Variants in CTNNA2 observed in about 807,000 individuals in gnomAD.
The protein encoded by CTNNA2 is catenin alpha-2.
A neutral mutation model predicts 101.0 loss-of-function variants in CTNNA2; 42 were observed. The ratio of observed to expected loss-of-function variants is 0.42; its 90% CI spans 0.32 to 0.54. The LOEUF (loss-of-function observed/expected upper bound fraction) is 0.54, where lower values mean the gene tolerates loss of function less well. Ranked by LOEUF, CTNNA2 falls within the 20% of genes least tolerant of loss-of-function variation. The pLI is 0.14. For missense variants in CTNNA2, 871 were observed against 1,223.1 expected (o/e 0.71, Z 4.29); for synonymous variants, 450 against 456.4 (o/e 0.99, Z 0.18).
At chr2:79,671,663 C>G (rs138234191) in intron 2 of CTNNA2, among the ~76,000 whole-genome samples, 1 of 152,122 alleles carries the variant, frequency 6.6e-6, no homozygotes, top group African/African-American at 2.4e-5. Flanking sequence ...TCTTACTGCT[C>G]GGCAAATAGT....
At chr2:80,167,738 G>A (rs1704794941) in intron 7 of CTNNA2, among the ~76,000 whole-genome samples, 1 of 152,166 alleles carries the variant, frequency 6.6e-6, no homozygotes, top group Non-Finnish European at 1.5e-5. Flanking sequence ...TGGTTATCAG[G>A]AATTAGTTGT....
Position 79,744,424 on chromosome 2 carries a change from C to A in CTNNA2, c.140C>A (p.Ser47Tyr), listed in dbSNP as rs1486984809. ...GTCAACACAAGCAACAAAGGCCCAT[C>A]TGGTAAAAAGAAAGGGAGGTCAAAG... ...TLVNTSNKGP[S>Y]GKKKGRSKKA... The change falls in exon 3 of 19, where the codon TCT (serine) becomes TAT (tyrosine). Residue 47 changes from serine (S) to tyrosine (Y), a missense_variant. Transcript: ENST00000402739. 1 of 1,613,682 alleles carries A rather than the reference C, an allele frequency of 6.2e-7. No individual in the cohort carries two copies. Among genetic ancestry groups the A allele is most frequent in the Non-Finnish European group, 8.5e-7 (1 of 1,179,922 alleles).
chr2:79,894,333 C>G (rs570340237), intron 6 of CTNNA2, among the ~76,000 whole-genome samples: 2 of 151,902 alleles, frequency 1.3e-5, no homozygotes, highest in South Asian at 4.2e-4. Flanking sequence ...CCCTGCCCCC[C>G]GCCCCACCAA....
chr2:79,266,842 C>G (rs1430885438), intron 2 of CTNNA2, among the ~76,000 whole-genome samples: 2 of 151,930 alleles, frequency 1.3e-5, no homozygotes, highest in Admixed American at 6.6e-5. Flanking sequence ...TTAGGGCAGG[C>G]AACTCATGTA....
intron 8 of CTNNA2, among the ~76,000 whole-genome samples, chr2:80,397,366 T>C (rs540513306): frequency 6.6e-6 from 1 of 152,270 alleles, no homozygotes; most frequent in African/African-American, 2.4e-5. Context: ...ATTTTACAGA[T>C]GAGGATGTGA....
intron 17 of CTNNA2, 114 bp downstream of exon 17, chr2:80,608,432 G>A: frequency 1.8e-6 from 2 of 1,114,842 alleles, no homozygotes; most frequent in Non-Finnish European, 2.5e-6. Flanking sequence ...TATAGGGAGG[G>A]CTTTTTTTAA....
At chr2:79,350,099 A>AAAAAAAAT (rs1677353802) in intron 3 of CTNNA2, among the ~76,000 whole-genome samples, 1 of 139,264 alleles carries the variant, frequency 7.2e-6, no homozygotes, top group African/African-American at 2.7e-5. Context: ...AAAAAAAAAA[A>AAAAAAAAT]TGAGGTCAAG....
chr2:80,355,941 T>C (rs970705640), intron 7 of CTNNA2, among the ~76,000 whole-genome samples: 13 of 152,134 alleles, frequency 8.5e-5, no homozygotes, highest in Non-Finnish European at 1.5e-5. Flanking sequence ...TTCTTTTTTT[T>C]CTCCCAAAAA....
intron 3 of CTNNA2, among the ~76,000 whole-genome samples, chr2:79,784,987 A>G (rs1674728162): frequency 6.6e-6 from 1 of 152,128 alleles, no homozygotes; most frequent in African/African-American, 2.4e-5. Context: ...CTATATATTG[A>G]TGATATGTGT....
intron 7 of CTNNA2, among the ~76,000 whole-genome samples, chr2:80,340,404 G>C (rs990129054): frequency 1.3e-5 from 2 of 152,180 alleles, no homozygotes; most frequent in Non-Finnish European, 2.9e-5. Flanking sequence ...CTTTGGCAAA[G>C]TTTTGATTGC....
At chr2:80,008,676 T>C (rs996498731) in intron 7 of CTNNA2, among the ~76,000 whole-genome samples, 1 of 152,204 alleles carries the variant, frequency 6.6e-6, no homozygotes, top group Non-Finnish European at 1.5e-5. Context: ...GCCCTGCCGC[T>C]GTCTGTGTGT....
At chr2:80,156,312 A>G (rs886869975) in intron 7 of CTNNA2, among the ~76,000 whole-genome samples, 2 of 152,194 alleles carry the variant, frequency 1.3e-5, no homozygotes, top group African/African-American at 2.4e-5. Flanking sequence ...CGTTAGAAAT[A>G]TGATCGTTTT....
intron 5 of CTNNA2, among the ~76,000 whole-genome samples, chr2:79,507,922 A>T (rs1008808629): frequency 5.3e-5 from 8 of 152,234 alleles, no homozygotes; most frequent in African/African-American, 1.9e-4. Context: ...GCACACGCCA[A>T]TACAATTTAT....
intron 7 of CTNNA2, among the ~76,000 whole-genome samples, chr2:79,988,412 G>T (rs1408907830): frequency 1.3e-5 from 2 of 151,900 alleles, no homozygotes; most frequent in Non-Finnish European, 2.9e-5. Context: ...TCAGAAAAAA[G>T]AAATGGTAGA....
intron 7 of CTNNA2, among the ~76,000 whole-genome samples, chr2:80,340,310 A>C (rs1672114382): frequency 6.6e-6 from 1 of 152,220 alleles, no homozygotes; most frequent in Non-Finnish European, 1.5e-5. Context: ...TGAACCCTGT[A>C]GAGAAGGATC....
intron 14 of CTNNA2, among the ~76,000 whole-genome samples, chr2:80,583,650 A>T (rs1368387541): frequency 1.3e-5 from 2 of 152,286 alleles, no homozygotes; most frequent in East Asian, 1.9e-4. Context: ...TGTACAACTC[A>T]TCTTGCTTTA....
At chr2:79,398,425 C>G (rs1057393294) in intron 4 of CTNNA2, among the ~76,000 whole-genome samples, 1 of 152,106 alleles carries the variant, frequency 6.6e-6, no homozygotes, top group Non-Finnish European at 1.5e-5. Flanking sequence ...TGCCTATAGT[C>G]TACAGTGTCA....
chr2:80,121,354 A>G (rs1327826425), intron 7 of CTNNA2, among the ~76,000 whole-genome samples: 1 of 152,204 alleles, frequency 6.6e-6, no homozygotes, highest in Non-Finnish European at 1.5e-5. Context: ...AATCATTATT[A>G]TTACTTTTAT....
chr2:79,789,848 G>A lies in CTNNA2; in HGVS notation c.298+45266G>A, dbSNP rs374678502. ...ATTAATATTTGGATATGTTGCATTTGACATGCTTCCTGGCTATCTGGGGAG... is the reference window on the plus strand; with the variant it reads ...ATTAATATTTGGATATGTTGCATTTAACATGCTTCCTGGCTATCTGGGGAG... On this transcript the variant is annotated intron_variant, in intron 3 of 18. Coordinates refer to ENST00000402739, the MANE Select transcript of CTNNA2 (RefSeq NM_001282597.3). Among the ~76,000 whole-genome samples, 3 of 152,072 alleles carry A rather than the reference G, an allele frequency of 2.0e-5. No individual in the cohort carries two copies. The East Asian group carries it at 5.8e-4, about 29-fold the overall frequency.
Sources: gnomAD v4.1 joint callset for allele counts (sites outside exome capture counted in the v4.1 genomes callset) on GRCh38, gnomAD v4.1.1 for gene constraint, MANE v1.5 for transcripts, NCBI Gene and HGNC (gene_info 2026-07-23, HGNC 2026-07-21) for gene names.